Variants in MYT1L observed in about 807,000 individuals in gnomAD.
MYT1L encodes the protein myelin transcription factor 1 like.
MYT1L carries 12 observed loss-of-function variants against 126.7 expected under a neutral mutation model. The ratio of observed to expected loss-of-function variants is 0.09; its 90% confidence interval spans 0.06 to 0.15. MYT1L has a LOEUF of 0.15. Ranked by LOEUF, MYT1L falls within the 10% of genes least tolerant of loss-of-function variation. The pLI is 1.00. For synonymous variants in MYT1L, 541 were observed against 604.2 expected (o/e 0.90, Z 1.53); for missense variants, 979 against 1,585.2 (o/e 0.62, Z 6.49).
intron 1 of MYT1L, among the ~76,000 whole-genome samples, chr2:2,310,505 T>C (rs1316181956): frequency 1.3e-5 from 2 of 152,226 alleles, no homozygotes; most frequent in Non-Finnish European, 2.9e-5. Flanking sequence ...CTCTGTTGTC[T>C]AATCAAAAAC....
intron 2 of MYT1L, among the ~76,000 whole-genome samples, chr2:2,247,467 C>G (rs1057398132): frequency 2.0e-5 from 3 of 152,150 alleles, no homozygotes; most frequent in African/African-American, 7.2e-5. Context: ...CAGCATTGGA[C>G]AGATCTCCCA....
intron 3 of MYT1L, among the ~76,000 whole-genome samples, chr2:2,154,961 T>C (rs2086480757): frequency 6.6e-6 from 1 of 152,126 alleles, no homozygotes. Flanking sequence ...ACCTTATCTC[T>C]ACTAAAAATA....
chr2:2,149,323 A>G (rs1027975940), intron 3 of MYT1L, among the ~76,000 whole-genome samples: 3 of 152,216 alleles, frequency 2.0e-5, no homozygotes, highest in African/African-American at 7.2e-5. Context: ...ATATATAAAC[A>G]CCAAGTGGGA....
At chr2:2,230,702 C>T (rs181668832) in intron 2 of MYT1L, among the ~76,000 whole-genome samples, 72 of 152,350 alleles carry the variant, frequency 4.7e-4, no homozygotes, top group African/African-American at 1.7e-3. Flanking sequence ...GCTGACAGCA[C>T]TGATGTTGCC....
intron 5 of MYT1L, among the ~76,000 whole-genome samples, chr2:1,980,412 T>C (rs530368547): frequency 6.6e-6 from 1 of 151,776 alleles, no homozygotes; most frequent in African/African-American, 2.4e-5. Flanking sequence ...AGGCTGTAGG[T>C]ACAGTGGAAG....
At chr2:2,236,808 CTTCTTCTTT>C (rs1433675865) in intron 2 of MYT1L, among the ~76,000 whole-genome samples, 16 of 6,566 alleles carry the variant, frequency 2.4e-3, no homozygotes, top group South Asian at 6.9e-3. Context: ...TCTTCTTCTT[CTTCTTCTTT>C]TTTTTTTTTT....
chr2:1,994,445 C>T (rs557699461), intron 5 of MYT1L, among the ~76,000 whole-genome samples: 3 of 152,252 alleles, frequency 2.0e-5, no homozygotes, highest in East Asian at 1.9e-4. Flanking sequence ...CTCCTCCCAG[C>T]GAGTCCTCCT....
intron 2 of MYT1L, among the ~76,000 whole-genome samples, chr2:2,251,769 C>A (rs2094656379): frequency 1.3e-5 from 2 of 150,440 alleles, no homozygotes; most frequent in Non-Finnish European, 3.0e-5. Flanking sequence ...GAAAATTTAC[C>A]CACAACTAAT....
chr2:1,951,949 C>A (rs1295240333), intron 8 of MYT1L, among the ~76,000 whole-genome samples: 1 of 152,212 alleles, frequency 6.6e-6, no homozygotes, highest in East Asian at 1.9e-4. Context: ...AAATAACTAG[C>A]ATTTCCAACC....
chr2:1,976,119 CAAAAAAAAAA>C (rs10622987), intron 8 of MYT1L, among the ~76,000 whole-genome samples: 1 of 104,264 alleles, frequency 9.6e-6, no homozygotes, highest in Non-Finnish European at 2.0e-5. Context: ...GTTAAAAGAC[CAAAAAAAAAA>C]AAAAAAAAAG....
At chr2:1,871,503 C>T (rs1016460421) in intron 18 of MYT1L, among the ~76,000 whole-genome samples, 4 of 152,232 alleles carry the variant, frequency 2.6e-5, no homozygotes, top group Admixed American at 1.3e-4. Flanking sequence ...CCAGTGAAGC[C>T]GGAGGGCAGA....
chr2:2,050,643 G>A (rs1227675982), intron 4 of MYT1L, among the ~76,000 whole-genome samples: 3 of 152,132 alleles, frequency 2.0e-5, no homozygotes, highest in African/African-American at 7.2e-5. Context: ...AAGCCCCAAA[G>A]TCCTTCTTAA....
chr2:1,932,486 C>T (rs773988341), intron 9 of MYT1L, among the ~76,000 whole-genome samples: 3 of 152,232 alleles, frequency 2.0e-5, no homozygotes, highest in Non-Finnish European at 4.4e-5. Flanking sequence ...TATTGTCACA[C>T]TTAGAGATGA....
At chr2:2,297,189 C>A (rs940410605) in intron 1 of MYT1L, among the ~76,000 whole-genome samples, 1 of 152,238 alleles carries the variant, frequency 6.6e-6, no homozygotes, top group East Asian at 1.9e-4. Flanking sequence ...ACCCGTGGCG[C>A]CGCTCTGAGT....
chr2:1,916,923 C>G (rs1382547821), intron 11 of MYT1L, among the ~76,000 whole-genome samples: 2 of 152,120 alleles, frequency 1.3e-5, no homozygotes, highest in African/African-American at 4.8e-5. Flanking sequence ...AGCAACCTGC[C>G]CAAGGTCACA....
At chr2:2,097,688 C>A (rs573478835) in intron 3 of MYT1L, among the ~76,000 whole-genome samples, 1 of 152,110 alleles carries the variant, frequency 6.6e-6, no homozygotes, top group Non-Finnish European at 1.5e-5. Flanking sequence ...GAGAGGAGGG[C>A]AAGGATGTGA....
chr2:2,017,293 T>C (rs909263475), intron 4 of MYT1L, among the ~76,000 whole-genome samples: 2 of 152,252 alleles, frequency 1.3e-5, no homozygotes, highest in African/African-American at 4.8e-5. Flanking sequence ...GCAAAAGTTA[T>C]TCAGGAGAAC....
chr2:1,972,099 C>G (rs887269479), intron 8 of MYT1L, among the ~76,000 whole-genome samples: 1 of 152,102 alleles, frequency 6.6e-6, no homozygotes, highest in African/African-American at 2.4e-5. Context: ...TGAAGGAGAG[C>G]TATTTATTCT....
chr2:2,131,025 T>C (rs2082294288), intron 3 of MYT1L, among the ~76,000 whole-genome samples: 1 of 152,190 alleles, frequency 6.6e-6, no homozygotes, highest in African/African-American at 2.4e-5. Context: ...CTAAATAGTT[T>C]TTAAAGCTGA....
Sources: allele counts gnomAD v4.1 joint callset (sites outside exome capture counted in the v4.1 genomes callset), GRCh38; gene constraint gnomAD v4.1.1; transcripts MANE v1.5; gene names NCBI Gene and HGNC (gene_info 2026-07-23, HGNC 2026-07-21).